The following GALNT13 variants were observed in gnomAD, a reference collection of about 807,000 sequenced individuals.
GALNT13 encodes the protein polypeptide N-acetylgalactosaminyltransferase 13, also known as UDP-GalNAc:polypeptide N-acetylgalactosaminyltransferase 13.
In GALNT13, 28 loss-of-function variants were observed where a neutral mutation model predicts 64.2. The ratio of observed to expected loss-of-function variants is 0.44; its 90% CI spans 0.32 to 0.60. GALNT13 has a LOEUF of 0.60. Ranked by LOEUF, GALNT13 falls within the 20% of genes least tolerant of loss-of-function variation. The pLI, the probability that GALNT13 is intolerant of heterozygous loss-of-function variation, is 0.05. For missense variants in GALNT13, 577 were observed against 669.8 expected, an observed-to-expected ratio of 0.86 and a Z score of 1.53; for synonymous variants, 214 against 224.6, an observed-to-expected ratio of 0.95 and a Z score of 0.42.
the GALNT13 span, among the ~76,000 whole-genome samples, chr2:153,188,334 C>T: frequency 9.5e-5 from 14 of 147,750 alleles, no homozygotes; most frequent in South Asian, 2.2e-4. Flanking sequence ...GTCTATTCAC[C>T]GCAATAAGTA....
chr2:153,996,598 T>G (rs2105206441), intron 3 of GALNT13, among the ~76,000 whole-genome samples: 1 of 152,298 alleles, frequency 6.6e-6, no homozygotes. Flanking sequence ...ATGCATAGTT[T>G]GCAAATATTG....
In GALNT13 at chr2:153,874,750, T is replaced by C. The variant is rs545210072; in HGVS notation, c.-177+2447T>C. On this transcript the variant is annotated intron_variant, in intron 1 of 12. Coordinates refer to ENST00000392825, the MANE Select transcript of GALNT13 (RefSeq NM_052917.4). ...TTTTTTATGAATGGTAATTGAGAAC[T>C]AGTAGAAGGGATATTGAAACAGGGG... 4.7e-4 allele frequency among the ~76,000 whole-genome samples: 72 copies of C among 152,290 alleles called. 1 individual carries two copies. The highest frequency in any genetic ancestry group is 1.7e-3 in the African/African-American group (70 of 41,576).
chr2:153,269,134 C>G, the GALNT13 span, among the ~76,000 whole-genome samples: 1 of 152,126 alleles, frequency 6.6e-6, no homozygotes, highest in Non-Finnish European at 1.5e-5. Flanking sequence ...TCTTTTCTAC[C>G]TTGTGGTCAG....
At chr2:153,576,909 T>G in the GALNT13 span, among the ~76,000 whole-genome samples, 1 of 152,176 alleles carries the variant, frequency 6.6e-6, no homozygotes, top group African/African-American at 2.4e-5. Flanking sequence ...ATTGTTAGTG[T>G]TTTTTATATC....
At chr2:153,693,352 A>C in the GALNT13 span, among the ~76,000 whole-genome samples, 2 of 152,150 alleles carry the variant, frequency 1.3e-5, no homozygotes, top group Non-Finnish European at 2.9e-5. Context: ...GGGATCTAGG[A>C]GATATGAGAA....
At chr2:153,612,256 C>T in the GALNT13 span, among the ~76,000 whole-genome samples, 1 of 151,966 alleles carries the variant, frequency 6.6e-6, no homozygotes, top group South Asian at 2.1e-4. Flanking sequence ...TAAATTAGTT[C>T]AACTGTTGTG....
chr2:153,476,612 T>C, the GALNT13 span, among the ~76,000 whole-genome samples: 3 of 152,158 alleles, frequency 2.0e-5, no homozygotes, highest in Admixed American at 1.3e-4. Flanking sequence ...TCCTTCCCAG[T>C]TGGGGTTGTA....
chr2:153,882,603 T>A (rs1686856768), intron 1 of GALNT13, among the ~76,000 whole-genome samples: 1 of 151,978 alleles, frequency 6.6e-6, no homozygotes. Flanking sequence ...CACAGAGATT[T>A]GCACTTTTTA....
At chr2:153,934,921 AT>A (rs1690792706) in intron 2 of GALNT13, among the ~76,000 whole-genome samples, 1 of 152,158 alleles carries the variant, frequency 6.6e-6, no homozygotes, top group Non-Finnish European at 1.5e-5. Flanking sequence ...TCTCAATGAT[AT>A]CCACTTTTGA....
rs528935352 is a variant in GALNT13 at position 153,966,546 on chromosome 2, T to C, written c.142+21907T>C. ...ACGCCTGGCTAATTTTTTTTTGTATTTTTAGTAGACACGGGGTCTCACCGT... is the reference window on the plus strand; with the variant it reads ...ACGCCTGGCTAATTTTTTTTTGTATCTTTAGTAGACACGGGGTCTCACCGT... On this transcript the variant is annotated intron_variant, in intron 3 of 12. Coordinates refer to ENST00000392825, the MANE Select transcript of GALNT13 (RefSeq NM_052917.4). 2.6e-5 allele frequency among the ~76,000 whole-genome samples: 4 copies of C among 152,110 alleles called. No individual in the cohort carries two copies. In the East Asian group the frequency reaches 7.8e-4, roughly 29 times the overall value.
At chr2:154,324,212 AT>A (rs564292181) in intron 9 of GALNT13, among the ~76,000 whole-genome samples, 16 of 151,320 alleles carry the variant, frequency 1.1e-4, no homozygotes, top group South Asian at 1.0e-3. Flanking sequence ...ATGCTCTTGA[AT>A]TTTTTTTAGA....
At chr2:153,695,143 C>T in the GALNT13 span, among the ~76,000 whole-genome samples, 1 of 152,254 alleles carries the variant, frequency 6.6e-6, no homozygotes, top group African/African-American at 2.4e-5. Context: ...ATATTGCCTA[C>T]TGGGGAAGCT....
At chr2:153,716,200 A>C in the GALNT13 span, among the ~76,000 whole-genome samples, 1 of 152,218 alleles carries the variant, frequency 6.6e-6, no homozygotes, top group Non-Finnish European at 1.5e-5. Flanking sequence ...ACTTAGTTCC[A>C]TGGAAGAGCT....
the GALNT13 span, among the ~76,000 whole-genome samples, chr2:153,797,690 C>T: frequency 6.6e-6 from 1 of 152,134 alleles, no homozygotes; most frequent in East Asian, 1.9e-4. Context: ...GGCTGGTACT[C>T]CTGTGGGATT....
intron 3 of GALNT13, among the ~76,000 whole-genome samples, chr2:153,988,256 G>A (rs7584803): frequency 0.18 from 27,947 of 151,718 alleles, 4,756 homozygotes; most frequent in East Asian, 0.76. Flanking sequence ...CTGTACAATA[G>A]ATCTAAAACT....
chr2:153,443,619 C>G, the GALNT13 span, among the ~76,000 whole-genome samples: 1 of 152,142 alleles, frequency 6.6e-6, no homozygotes, highest in Non-Finnish European at 1.5e-5. Flanking sequence ...CTTAGGATCT[C>G]TGCTTGAAAG....
chr2:154,453,639 A>G lies in GALNT13; in HGVS notation c.*3088A>G, dbSNP rs1701957546. The G allele has an allele frequency of 6.6e-6, 1 of 152,110 alleles. No homozygotes were observed. Among genetic ancestry groups the G allele is most frequent in the South Asian group, 2.1e-4 (1 of 4,826 alleles). 9.4% of individuals were successfully genotyped at this position (152,110 alleles called of 1,614,324 possible). A position where few individuals can be genotyped will look rare whatever the true frequency, so the allele number is the denominator to read the frequency against. On this transcript the variant is annotated 3_prime_UTR_variant, in exon 13 of 13. Transcript: ENST00000392825. The stretch of plus-strand genomic sequence containing the variant: ...CCCCTCCCCAGCCCCAAACATGCCC[A>G]TCACATGCCCTAGAAGGTAAGTCCC...
chr2:154,020,642 T>G (rs75568855), intron 3 of GALNT13, among the ~76,000 whole-genome samples: 2 of 150,446 alleles, frequency 1.3e-5, no homozygotes, highest in Non-Finnish European at 3.0e-5. Context: ...TTCTCCCATT[T>G]TGTAGGTTGC....
the GALNT13 span, among the ~76,000 whole-genome samples, chr2:153,670,294 G>A: frequency 6.6e-6 from 1 of 152,174 alleles, no homozygotes; most frequent in East Asian, 1.9e-4. Context: ...CCCAGTAGGG[G>A]CTGACAGACA....
Sources: gnomAD v4.1 joint callset for allele counts (sites outside exome capture counted in the v4.1 genomes callset) on GRCh38, gnomAD v4.1.1 for gene constraint, MANE v1.5 for transcripts, NCBI Gene and HGNC (gene_info 2026-07-23, HGNC 2026-07-21) for gene names.